The following SEMA4F variants were observed in gnomAD, a reference collection of about 807,000 sequenced individuals.
SEMA4F encodes semaphorin-4F.
In SEMA4F, 51 loss-of-function variants were observed where a neutral mutation model predicts 78.4. The ratio of observed to expected loss-of-function variants is 0.65; its 90% confidence interval spans 0.52 to 0.82. SEMA4F has a LOEUF of 0.82. SEMA4F is among the 40% of genes least tolerant of loss of function. The pLI is 0.00. For missense variants in SEMA4F, 938 were observed against 1,014.4 expected, an observed-to-expected ratio of 0.92 and a Z score of 1.02; for synonymous variants, 418 against 408.7, an observed-to-expected ratio of 1.02 and a Z score of -0.27.
At chr2:74,662,595 G>A (rs1684482576) in intron 4 of SEMA4F, 137 bp from the exon 5 acceptor site, 6 of 736,016 alleles carry the variant, frequency 8.2e-6, no homozygotes, top group Non-Finnish European at 1.5e-5. Flanking sequence ...TGGTAATATG[G>A]GGATGATAGT....
At position 74,656,546 on chromosome 2, in the gene SEMA4F, G is replaced by C; in HGVS notation, c.158G>C (p.Cys53Ser). 6.2e-7 allele frequency: 1 copy of C among 1,613,920 alleles called. No individual in the cohort carries two copies. The change falls in exon 2 of 14, where the codon TGT becomes TCT. Residue 53 changes from cysteine (C) to serine (S), a missense_variant. Cys to Ser is a moderately radical substitution (Grantham distance 112). Coordinates refer to ENST00000357877, the MANE Select transcript of SEMA4F (RefSeq NM_004263.5). ...CTCTTCCTGCCAGAGGCTGACTCCT[G>C]TCTCACCCGGTTCGCAGTCCCTCAC... is the stretch of plus-strand genomic sequence containing the variant. ...TSLPISEADS[C>S]LTRFAVPHTY... is the part of the protein sequence containing the mutation.
chr2:74,657,468 A>G lies in SEMA4F; in HGVS notation c.298-97A>G, dbSNP rs1655818344. The stretch of plus-strand genomic sequence containing the variant: ...TCTAGGGGGACTTTTGAAGTTCCCA[A>G]ATTGATGGAGGTTATAGAACAGTTT... On this transcript the variant is annotated intron_variant, in intron 2 of 13. Coordinates refer to ENST00000357877, the MANE Select transcript of SEMA4F (RefSeq NM_004263.5). The G allele has an allele frequency of 5.8e-6, 7 of 1,206,228 alleles. No homozygotes were observed. The Admixed American group carries it at 1.3e-4, about 22-fold the overall frequency. The allele number at this position is 1,206,228 out of a possible 1,614,324, so 74.7% of individuals were successfully genotyped here. A position where few individuals can be genotyped will look rare whatever the true frequency, so the allele number is the denominator to read the frequency against.
At position 74,659,426 on chromosome 2, in the gene SEMA4F, A is replaced by G. The variant is rs901146286; in HGVS notation, c.456+1475A>G. ...TCTAGACAGAAAATGTTCTTTCTGG[A>G]CATACCTGTCAGGATTGGTGTGACT... On this transcript the variant is annotated intron_variant, in intron 4 of 13. Coordinates refer to ENST00000357877, the MANE Select transcript of SEMA4F (RefSeq NM_004263.5). 1.6e-4 allele frequency among the ~76,000 whole-genome samples: 24 copies of G among 152,278 alleles called. No homozygotes were observed. The East Asian group carries it at 4.2e-3, about 27-fold the overall frequency.
At chr2:74,691,176 G>A in the SEMA4F span, among the ~76,000 whole-genome samples, 8 of 152,110 alleles carry the variant, frequency 5.3e-5, no homozygotes, top group African/African-American at 1.2e-4. Context: ...AATAAAGCAC[G>A]ATTTGTGCTT....
the SEMA4F span, among the ~76,000 whole-genome samples, chr2:74,696,950 G>A: frequency 6.6e-6 from 1 of 152,130 alleles, no homozygotes; most frequent in Non-Finnish European, 1.5e-5. Context: ...AACCTGTGGC[G>A]TCATAACTAA....
chr2:74,691,712 A>C, the SEMA4F span, among the ~76,000 whole-genome samples: 1 of 152,232 alleles, frequency 6.6e-6, no homozygotes, highest in Non-Finnish European at 1.5e-5. Context: ...AAGTTTTCCC[A>C]GGTTCAAAGT....
At chr2:74,673,977 TGAGA>T in intron 7 of SEMA4F, 149 bp downstream of exon 7, 1 of 951,788 alleles carries the variant, frequency 1.1e-6, no homozygotes, top group Non-Finnish European at 1.6e-6. Flanking sequence ...TTGAGGAATG[TGAGA>T]GAGAGGCTCT....
chr2:74,685,503 A>C (rs1318606437), downstream of SEMA4F, among the ~76,000 whole-genome samples: 6 of 152,032 alleles, frequency 3.9e-5, no homozygotes, highest in Non-Finnish European at 5.9e-5. Context: ...TAGGGTAGAG[A>C]CAAGACTTCT....
Position 74,656,583 on chromosome 2 carries a change from C to G in SEMA4F, c.195C>G (p.Tyr65Ter). ...TCGCAGTCCCTCACACATACAATTA[C>G]TCTGTTCTCCTTGTGGATCCTGCCT... ...TRFAVPHTYN[Y>*]SVLLVDPASH... Residue 65 changes from tyrosine to a stop codon, truncating the protein, a stop_gained, in exon 2 of 14, where the codon TAC becomes TAG. Coordinates refer to ENST00000357877, the MANE Select transcript of SEMA4F (RefSeq NM_004263.5). LOFTEE classifies it high-confidence loss of function. 1 of 1,614,186 alleles carries G rather than the reference C, an allele frequency of 6.2e-7. No homozygotes were observed. The highest frequency in any genetic ancestry group is 1.1e-5 in the South Asian group (1 of 91,088).
chr2:74,667,121 G>T (rs363634), intron 5 of SEMA4F, among the ~76,000 whole-genome samples: 3,672 of 152,242 alleles, frequency 0.024, 129 homozygotes, highest in African/African-American at 0.074. Context: ...TTCAAAACAT[G>T]ATTTTTAGCA....
In SEMA4F at chr2:74,679,305, T is replaced by G; in HGVS notation, c.1673T>G (p.Val558Gly). Reference protein sequence around the residue: ...GLVQDIESADVSSLCPKEPGE... With the variant: ...GLVQDIESADGSSLCPKEPGE... ...GTCCAAGACATAGAGTCAGCAGATGTCTCCTCTTTGTGTCCTAAAGAGCCT... is the reference window on the plus strand; with the variant it reads ...GTCCAAGACATAGAGTCAGCAGATGGCTCCTCTTTGTGTCCTAAAGAGCCT... Residue 558 changes from valine to glycine, a missense_variant, in exon 13 of 14, where the codon GTC becomes GGC. Val to Gly is a moderately radical substitution (Grantham distance 109, BLOSUM62 -3). Transcript: ENST00000357877. 6.2e-7 allele frequency: 1 copy of G among 1,613,524 alleles called. No homozygotes were observed. The highest frequency in any genetic ancestry group is 8.5e-7 in the Non-Finnish European group (1 of 1,179,426).
Position 74,673,759 on chromosome 2 carries a change from T to C in SEMA4F, c.753T>C (p.Phe251=), listed in dbSNP as rs1037295889. The C allele has an allele frequency of 2.2e-5, 35 of 1,614,098 alleles. No individual in the cohort carries two copies. The highest frequency in any genetic ancestry group is 3.3e-4 in the Middle Eastern group (2 of 6,084). The part of the protein sequence containing the change: ...EDGDDEIYFF[F]TETSRAFDSY... ...GAGACGACGAAATCTACTTCTTCTT[T>C]ACGGAGACTTCCCGAGCATTTGACT... The change falls in exon 7 of 14, where the codon TTT becomes TTC. Residue 251 remains phenylalanine (F), a synonymous_variant. Coordinates refer to ENST00000357877, the MANE Select transcript of SEMA4F (RefSeq NM_004263.5).
the SEMA4F span, among the ~76,000 whole-genome samples, chr2:74,701,521 T>C: frequency 1.3e-5 from 2 of 152,230 alleles, no homozygotes; most frequent in African/African-American, 4.8e-5. Flanking sequence ...AAAAATCTTT[T>C]CATTCAGTCA....
intron 2 of SEMA4F, among the ~76,000 whole-genome samples, chr2:74,656,889 A>T (rs1458221911): frequency 1.3e-5 from 2 of 151,742 alleles, no homozygotes; most frequent in Non-Finnish European, 2.9e-5. Context: ...ACTGGGGAGG[A>T]TATGAAGGAG....
At chr2:74,659,923 T>C (rs552574302) in intron 4 of SEMA4F, among the ~76,000 whole-genome samples, 2 of 152,294 alleles carry the variant, frequency 1.3e-5, no homozygotes, top group East Asian at 3.9e-4. Flanking sequence ...ATCTAAGGGC[T>C]CCCACTGTGG....
the SEMA4F span, among the ~76,000 whole-genome samples, chr2:74,703,956 G>T: frequency 6.6e-6 from 1 of 152,174 alleles, no homozygotes; most frequent in Non-Finnish European, 1.5e-5. Context: ...ACGAACCTTG[G>T]GGGTGGTAGC....
At chr2:74,671,456 T>G (rs1273639502) in intron 5 of SEMA4F, among the ~76,000 whole-genome samples, 1 of 152,178 alleles carries the variant, frequency 6.6e-6, no homozygotes, top group Non-Finnish European at 1.5e-5. Flanking sequence ...CTGGCTGAGG[T>G]TTCATGCACC....
the SEMA4F span, among the ~76,000 whole-genome samples, chr2:74,707,194 T>A: frequency 3.3e-5 from 5 of 152,252 alleles, no homozygotes; most frequent in Non-Finnish European, 7.3e-5. Flanking sequence ...TTGTTATCAA[T>A]GCTAAATTTT....
the SEMA4F span, among the ~76,000 whole-genome samples, chr2:74,702,969 C>A: frequency 1.3e-5 from 2 of 152,152 alleles, no homozygotes; most frequent in Non-Finnish European, 2.9e-5. Flanking sequence ...CTTCATAAAT[C>A]TTTCTGAATT....
Sources: allele counts gnomAD v4.1 joint callset (sites outside exome capture counted in the v4.1 genomes callset), GRCh38; gene constraint gnomAD v4.1.1; transcripts MANE v1.5; gene names NCBI Gene and HGNC (gene_info 2026-07-23, HGNC 2026-07-21).